The following GABRG3 variants were observed in gnomAD, a reference collection of about 807,000 sequenced individuals.
GABRG3 encodes the protein gamma-aminobutyric acid type A receptor subunit gamma3.
GABRG3 carries 25 observed loss-of-function variants against 48.8 expected under a neutral mutation model. The ratio of observed to expected loss-of-function variants is 0.51; its 90% CI spans 0.37 to 0.72. The LOEUF is 0.72. Ranked by LOEUF, GABRG3 falls within the 30% of genes least tolerant of loss-of-function variation. GABRG3 has a pLI of 0.00. For missense variants in GABRG3, 394 were observed against 577.9 expected (o/e 0.68, Z 3.26); for synonymous variants, 227 against 217.6 (o/e 1.04, Z -0.38).
At chr15:27,020,460 G>A (rs1406850406) in intron 2 of GABRG3, among the ~76,000 whole-genome samples, 2 of 152,204 alleles carry the variant, frequency 1.3e-5, no homozygotes, top group Non-Finnish European at 2.9e-5. Context: ...CGCCCAGGCT[G>A]GAGTGCAGTG....
In GABRG3 at chr15:27,539,108, G is replaced by T. The variant is rs750355944; in HGVS notation, c.*6227G>T. 7 of 152,160 alleles carry T rather than the reference G, an allele frequency of 4.6e-5. No homozygotes were observed. The highest frequency in any genetic ancestry group is 8.8e-5 in the Non-Finnish European group (6 of 68,032). 9.4% of individuals were successfully genotyped at this position (152,160 alleles called of 1,614,324 possible). ...TTGGGAAAGGAACCTGTGGACCCTG[G>T]AGCTAAGTTGTCATTTTAGGGACAT... On this transcript the variant is annotated 3_prime_UTR_variant, in exon 10 of 10. Transcript: ENST00000615808.
Position 27,264,162 on chromosome 15 carries a change from G to C in GABRG3, c.271-62647G>C, listed in dbSNP as rs116630380. On this transcript the variant is annotated intron_variant, in intron 3 of 9. Coordinates refer to ENST00000615808, the MANE Select transcript of GABRG3 (RefSeq NM_033223.5). The stretch of plus-strand genomic sequence containing the variant: ...CAGAAGAAACAGACAGCGGCCTCTG[G>C]AGAAACTGGAGAAATGGTTAGAGAG... Among the ~76,000 whole-genome samples the C allele has an allele frequency of 6.7e-3, 1,019 of 152,028 alleles. 10 individuals carry two copies. Among genetic ancestry groups the C allele is most frequent in the African/African-American group, 0.023 (974 of 41,464 alleles).
chr15:27,431,170 G>T (rs1315942288), intron 5 of GABRG3, among the ~76,000 whole-genome samples: 1 of 151,886 alleles, frequency 6.6e-6, no homozygotes, highest in Non-Finnish European at 1.5e-5. Context: ...GGATGTTTGA[G>T]TCCTCCAATG....
At position 27,118,003 on chromosome 15, in the gene GABRG3, C is replaced by T. The variant is rs1035708459; in HGVS notation, c.270+91182C>T. Among the ~76,000 whole-genome samples, 33 of 152,286 alleles carry T rather than the reference C, an allele frequency of 2.2e-4. 2 individuals carry two copies. The South Asian group carries it at 3.1e-3, about 14-fold the overall frequency. Reference sequence around the variant, plus strand: ...CTGGCTCCCGTACTTAACCAATGTACGGAACCAGAATGATACAATGGCACA... The same window carrying T: ...CTGGCTCCCGTACTTAACCAATGTATGGAACCAGAATGATACAATGGCACA... On this transcript the variant is annotated intron_variant, in intron 3 of 9. Transcript: ENST00000615808.
intron 3 of GABRG3, among the ~76,000 whole-genome samples, chr15:27,144,892 G>A (rs1285730054): frequency 2.0e-5 from 3 of 152,188 alleles, no homozygotes; most frequent in Non-Finnish European, 2.9e-5. Flanking sequence ...GAAAATTTCT[G>A]CCCAACCACT....
At chr15:27,103,534 T>G (rs1171448989) in intron 3 of GABRG3, among the ~76,000 whole-genome samples, 4 of 152,114 alleles carry the variant, frequency 2.6e-5, no homozygotes, top group Non-Finnish European at 5.9e-5. Context: ...AGAACCACCT[T>G]AATAAATACC....
chr15:27,393,783 C>A (rs1255026991), intron 5 of GABRG3, among the ~76,000 whole-genome samples: 5 of 152,196 alleles, frequency 3.3e-5, no homozygotes. Context: ...GGAGTGGCAT[C>A]TTCTGCCTCT....
At chr15:27,154,379 G>A (rs1898379420) in intron 3 of GABRG3, among the ~76,000 whole-genome samples, 2 of 152,244 alleles carry the variant, frequency 1.3e-5, no homozygotes, top group South Asian at 2.1e-4. Context: ...GTACTGTGAT[G>A]AATGAGAGTT....
chr15:27,517,662 G>T (rs983509591), intron 6 of GABRG3, among the ~76,000 whole-genome samples: 1 of 152,116 alleles, frequency 6.6e-6, no homozygotes, highest in Non-Finnish European at 1.5e-5. Context: ...GTGATTTATT[G>T]TCCTTTGTTT....
intron 5 of GABRG3, among the ~76,000 whole-genome samples, chr15:27,406,720 G>C (rs143434163): frequency 6.6e-6 from 1 of 152,116 alleles, no homozygotes; most frequent in South Asian, 2.1e-4. Context: ...ATTCTGGAAC[G>C]TCAAGAGGGT....
chr15:27,182,199 C>T (rs1330094646), intron 3 of GABRG3, among the ~76,000 whole-genome samples: 1 of 152,122 alleles, frequency 6.6e-6, no homozygotes, highest in Admixed American at 6.5e-5. Flanking sequence ...TCTACAGTTT[C>T]TGCAGCTGAC....
At chr15:27,256,747 C>A (rs1890634637) in intron 3 of GABRG3, among the ~76,000 whole-genome samples, 1 of 152,136 alleles carries the variant, frequency 6.6e-6, no homozygotes, top group Admixed American at 6.5e-5. Context: ...ATTATCCTAT[C>A]CTATGCACAG....
chr15:27,012,235 T>C (rs1895702498), intron 2 of GABRG3, among the ~76,000 whole-genome samples: 1 of 152,188 alleles, frequency 6.6e-6, no homozygotes, highest in Non-Finnish European at 1.5e-5. Context: ...TCTCACACAA[T>C]TGTTTTTTGA....
chr15:27,172,132 G>A (rs1183847258), intron 3 of GABRG3, among the ~76,000 whole-genome samples: 1 of 152,142 alleles, frequency 6.6e-6, no homozygotes, highest in Non-Finnish European at 1.5e-5. Flanking sequence ...ATTACAATGG[G>A]AGTTAAATTT....
chr15:27,152,028 G>T (rs913135233), intron 3 of GABRG3, among the ~76,000 whole-genome samples: 4 of 152,154 alleles, frequency 2.6e-5, no homozygotes, highest in Non-Finnish European at 4.4e-5. Context: ...CCTGACAACT[G>T]ATCTTTTTAT....
chr15:27,098,467 CTG>C (rs1897302948), intron 3 of GABRG3, among the ~76,000 whole-genome samples: 1 of 152,160 alleles, frequency 6.6e-6, no homozygotes, highest in Admixed American at 6.5e-5. Context: ...CACAAAAAAA[CTG>C]AATGTCAGTA....
chr15:27,312,527 C>T (rs1443457860), intron 3 of GABRG3, among the ~76,000 whole-genome samples: 3 of 152,104 alleles, frequency 2.0e-5, no homozygotes, highest in Admixed American at 6.6e-5. Flanking sequence ...AAGAGAATTT[C>T]GAAAAGCAGC....
At chr15:27,306,796 C>T (rs1892519189) in intron 3 of GABRG3, among the ~76,000 whole-genome samples, 1 of 42,140 alleles carries the variant, frequency 2.4e-5, no homozygotes, top group South Asian at 4.9e-4. Flanking sequence ...TATATATAAA[C>T]ATACAATATA....
chr15:27,248,460 G>A (rs1438209781), intron 3 of GABRG3, among the ~76,000 whole-genome samples: 1 of 152,114 alleles, frequency 6.6e-6, no homozygotes, highest in African/African-American at 2.4e-5. Flanking sequence ...CATGTACAAT[G>A]ATTGGATTAC....
Sources: gnomAD v4.1 joint callset for allele counts (sites outside exome capture counted in the v4.1 genomes callset) on GRCh38, gnomAD v4.1.1 for gene constraint, MANE v1.5 for transcripts, NCBI Gene and HGNC (gene_info 2026-07-23, HGNC 2026-07-21) for gene names.